GRIK3: variants seen among roughly 807,000 people sequenced by gnomAD.
The protein encoded by GRIK3 is glutamate receptor ionotropic, kainate 3.
GRIK3 carries 29 observed loss-of-function variants against 102.5 expected under a neutral mutation model. The observed-to-expected ratio is 0.28, with a 90% CI of 0.21 to 0.39. The LOEUF (loss-of-function observed/expected upper bound fraction) is 0.39, where lower values mean the gene tolerates loss of function less well. GRIK3 is among the 10% of genes least tolerant of loss of function. The pLI is 1.00. For synonymous variants in GRIK3, 511 were observed against 504.9 expected (o/e 1.01, Z -0.16); for missense variants, 908 against 1,252.4 (o/e 0.73, Z 4.15).
chr1:36,996,051 C>T (rs1235172648), intron 1 of GRIK3, among the ~76,000 whole-genome samples: 2 of 152,208 alleles, frequency 1.3e-5, no homozygotes, highest in Admixed American at 6.5e-5. Context: ...AGATCCTCCA[C>T]CACCTGCCTC....
intron 1 of GRIK3, among the ~76,000 whole-genome samples, chr1:37,028,337 C>T (rs868109600): frequency 2.0e-5 from 3 of 151,964 alleles, no homozygotes; most frequent in South Asian, 4.2e-4. Flanking sequence ...GTGAACTGGC[C>T]TCACCCAAGG....
chr1:36,930,101 C>T (rs1042766509), intron 1 of GRIK3, among the ~76,000 whole-genome samples: 3 of 152,228 alleles, frequency 2.0e-5, no homozygotes, highest in Non-Finnish European at 4.4e-5. Context: ...CATTAGGCGT[C>T]ACAGCCTGTC....
intron 4 of GRIK3, among the ~76,000 whole-genome samples, chr1:36,871,386 C>T (rs1300069241): frequency 6.6e-6 from 1 of 152,186 alleles, no homozygotes; most frequent in Non-Finnish European, 1.5e-5. Context: ...CTCCTGCACC[C>T]CTTAAATCAC....
At chr1:37,033,538 G>A (rs1280239462) in intron 1 of GRIK3, among the ~76,000 whole-genome samples, 2 of 152,226 alleles carry the variant, frequency 1.3e-5, no homozygotes, top group Non-Finnish European at 2.9e-5. Flanking sequence ...CCTCGCTGCG[G>A]CTGCTCGAGC....
At position 36,859,836 on chromosome 1, in the gene GRIK3, C is replaced by T. The variant is rs369186207; in HGVS notation, c.960+8G>A. 1.7e-5 allele frequency: 28 copies of T among 1,610,670 alleles called. No homozygotes were observed. Among genetic ancestry groups the T allele is most frequent in the Middle Eastern group, 1.7e-4 (1 of 5,860 alleles). On this transcript the variant is annotated splice_region_variant and intron_variant, in intron 6 of 15. Coordinates refer to ENST00000373091, the MANE Select transcript of GRIK3 (RefSeq NM_000831.4). ...GCCCCTGGAATTCACCTCACCCAGCCGCCTTACCATCATCACTCCATCCAG... is the reference window on the plus strand; with the variant it reads ...GCCCCTGGAATTCACCTCACCCAGCTGCCTTACCATCATCACTCCATCCAG...
At chr1:37,028,569 C>A (rs1333174211) in intron 1 of GRIK3, among the ~76,000 whole-genome samples, 1 of 152,136 alleles carries the variant, frequency 6.6e-6, no homozygotes, top group East Asian at 1.9e-4. Flanking sequence ...GTGGTAGAGC[C>A]CAGATGGCCA....
Position 36,832,750 on chromosome 1 carries a change from T to C in GRIK3, c.1531-6924A>G, listed in dbSNP as rs540719297. 2.6e-5 allele frequency among the ~76,000 whole-genome samples: 4 copies of C among 152,338 alleles called. No individual in the cohort carries two copies. The East Asian group carries it at 5.8e-4, about 22-fold the overall frequency. On this transcript the variant is annotated intron_variant, in intron 10 of 15. Coordinates refer to ENST00000373091, the MANE Select transcript of GRIK3 (RefSeq NM_000831.4). ...GGATGGGCAGGTCTTCCCTGCTTCA[T>C]AGACCCCATAGGGGTCCCCAGGTTG...
chr1:36,898,379 C>G (rs1364078613), intron 1 of GRIK3, among the ~76,000 whole-genome samples: 1 of 151,984 alleles, frequency 6.6e-6, no homozygotes, highest in South Asian at 2.1e-4. Context: ...GTATGCCTTA[C>G]AAGAAATATT....
At chr1:36,929,358 G>T (rs1354541222) in intron 1 of GRIK3, among the ~76,000 whole-genome samples, 3 of 152,132 alleles carry the variant, frequency 2.0e-5, no homozygotes, top group Non-Finnish European at 4.4e-5. Context: ...ATGGATGCAT[G>T]AATAAATTTA....
intron 5 of GRIK3, among the ~76,000 whole-genome samples, chr1:36,868,059 A>C (rs1366354643): frequency 6.6e-6 from 1 of 152,144 alleles, no homozygotes; most frequent in Non-Finnish European, 1.5e-5. Flanking sequence ...GAAGGTCTTA[A>C]AGAGAGGATC....
chr1:36,920,497 GT>G (rs1641455482), intron 1 of GRIK3, among the ~76,000 whole-genome samples: 1 of 152,132 alleles, frequency 6.6e-6, no homozygotes, highest in Non-Finnish European at 1.5e-5. Context: ...ACCGTCTGCT[GT>G]TTGGGGTTGG....
chr1:36,861,883 C>T (rs1165452964), intron 5 of GRIK3, among the ~76,000 whole-genome samples: 2 of 151,950 alleles, frequency 1.3e-5, no homozygotes, highest in Admixed American at 6.6e-5. Flanking sequence ...TCAGCAGATG[C>T]GGGCTTCCCT....
intron 1 of GRIK3, among the ~76,000 whole-genome samples, chr1:36,893,707 C>A (rs529679502): frequency 6.6e-6 from 1 of 152,130 alleles, no homozygotes; most frequent in African/African-American, 2.4e-5. Context: ...TGGACTCTAA[C>A]AACAACAGTA....
Position 37,008,725 on chromosome 1 carries a change from G to A in GRIK3, c.115+25269C>T, listed in dbSNP as rs1642557629. 3.9e-5 allele frequency among the ~76,000 whole-genome samples: 6 copies of A among 152,298 alleles called. No homozygotes were observed. The South Asian group carries it at 8.3e-4, about 21-fold the overall frequency. On this transcript the variant is annotated intron_variant, in intron 1 of 15. Coordinates refer to ENST00000373091, the MANE Select transcript of GRIK3 (RefSeq NM_000831.4). ...CTCCCAGACAGGGATGGCCCCGCTT[G>A]CCTGATGTGGTCTGAGCTCCACTGC...
chr1:36,811,817 G>A lies in GRIK3; in HGVS notation c.2091+5243C>T, dbSNP rs143004023. On this transcript the variant is annotated intron_variant, in intron 13 of 15. Coordinates refer to ENST00000373091, the MANE Select transcript of GRIK3 (RefSeq NM_000831.4). ...TGGGCTAACCACTGTACATACAGGA[G>A]CTCACCGAACCCTCTTGCTAATTGC... is the stretch of plus-strand genomic sequence containing the variant. Among the ~76,000 whole-genome samples, 743 of 152,310 alleles carry A rather than the reference G, an allele frequency of 4.9e-3. 9 individuals are homozygous for A. Among genetic ancestry groups the A allele is most frequent in the African/African-American group, 0.017 (699 of 41,560 alleles).
At chr1:36,894,079 T>C (rs1257853821) in intron 1 of GRIK3, among the ~76,000 whole-genome samples, 1 of 152,234 alleles carries the variant, frequency 6.6e-6, no homozygotes, top group East Asian at 1.9e-4. Flanking sequence ...TGATTTTTAG[T>C]AAATTTACTG....
At chr1:36,817,011 C>G in intron 13 of GRIK3, 49 bp downstream of exon 13, 2 of 1,322,876 alleles carry the variant, frequency 1.5e-6, no homozygotes, top group Non-Finnish European at 2.2e-6. Context: ...AGTAAAGGGT[C>G]CGGAGAGGAT....
intron 1 of GRIK3, among the ~76,000 whole-genome samples, chr1:36,991,358 C>A (rs1233238507): frequency 6.6e-6 from 1 of 152,226 alleles, no homozygotes; most frequent in Non-Finnish European, 1.5e-5. Flanking sequence ...CAGACACCAT[C>A]TTCCTTAACT....
At chr1:37,005,452 C>A (rs1205938018) in intron 1 of GRIK3, among the ~76,000 whole-genome samples, 1 of 152,178 alleles carries the variant, frequency 6.6e-6, no homozygotes, top group Admixed American at 6.5e-5. Flanking sequence ...GGGTGTGTAG[C>A]CAAGTCCAAA....
Sources: gnomAD v4.1 joint callset for allele counts (sites outside exome capture counted in the v4.1 genomes callset) on GRCh38, gnomAD v4.1.1 for gene constraint, MANE v1.5 for transcripts, NCBI Gene and HGNC (gene_info 2026-07-23, HGNC 2026-07-21) for gene names.